The following TMEM178B variants were observed in gnomAD, a reference collection of about 807,000 sequenced individuals.
The protein encoded by TMEM178B is transmembrane protein 178B.
A neutral mutation model predicts 31.0 loss-of-function variants in TMEM178B; 5 were observed. The observed-to-expected ratio is 0.16, with a 90% CI of 0.08 to 0.34. The LOEUF is 0.34. Among genes scored for constraint, TMEM178B ranks in the 10% least tolerant of loss-of-function variants. The pLI is 1.00. For synonymous variants in TMEM178B, 164 were observed against 164.0 expected (o/e 1.00, Z 0.00); for missense variants, 275 against 400.3 (o/e 0.69, Z 2.67).
chr7:141,401,696 G>A (rs942870548), intron 2 of TMEM178B, among the ~76,000 whole-genome samples: 11 of 152,184 alleles, frequency 7.2e-5, no homozygotes, highest in African/African-American at 2.2e-4. Context: ...ATGAGCCACC[G>A]TGCCCAGCCT....
intron 2 of TMEM178B, among the ~76,000 whole-genome samples, chr7:141,336,912 C>CCAA (rs1188852050): frequency 2.2e-4 from 17 of 78,720 alleles, no homozygotes; most frequent in African/African-American, 8.4e-4. Flanking sequence ...ACCATCATCA[C>CCAA]CACCACCACC....
the TMEM178B span, among the ~76,000 whole-genome samples, chr7:141,492,516 C>A: frequency 6.6e-6 from 1 of 152,114 alleles, no homozygotes; most frequent in Non-Finnish European, 1.5e-5. Context: ...TACTGGCCTG[C>A]GAAATGTGTG....
At chr7:141,131,605 C>T (rs183555102) in intron 1 of TMEM178B, among the ~76,000 whole-genome samples, 261 of 152,320 alleles carry the variant, frequency 1.7e-3, no homozygotes, top group Non-Finnish European at 2.6e-3. Context: ...TTTTACCTAT[C>T]ATAGGGTTTT....
At chr7:141,153,607 C>T (rs1299617905) in intron 1 of TMEM178B, among the ~76,000 whole-genome samples, 4 of 152,200 alleles carry the variant, frequency 2.6e-5, no homozygotes, top group Non-Finnish European at 1.5e-5. Context: ...ATTCATTCTT[C>T]ACAACTCTGC....
chr7:141,324,416 G>GTTTTTTTTTTT (rs56316531), intron 2 of TMEM178B, among the ~76,000 whole-genome samples: 4 of 85,778 alleles, frequency 4.7e-5, no homozygotes, highest in Non-Finnish European at 7.1e-5. Flanking sequence ...GGAGACCAGG[G>GTTTTTTTTTTT]TTTTTTTTTT....
chr7:141,154,856 A>C (rs912203316), intron 1 of TMEM178B, among the ~76,000 whole-genome samples: 1 of 151,876 alleles, frequency 6.6e-6, no homozygotes. Context: ...TAGCCTCCCA[A>C]GTAGCTGGGA....
chr7:141,141,265 CT>C (rs1219311394), intron 1 of TMEM178B, among the ~76,000 whole-genome samples: 1 of 151,624 alleles, frequency 6.6e-6, no homozygotes, highest in African/African-American at 2.4e-5. Context: ...TCCTGCGTTT[CT>C]TTGACTTTGC....
chr7:141,222,520 G>A (rs1322703703), intron 2 of TMEM178B, among the ~76,000 whole-genome samples: 1 of 152,192 alleles, frequency 6.6e-6, no homozygotes, highest in Non-Finnish European at 1.5e-5. Context: ...AATAATTCAT[G>A]CACAATCTCT....
chr7:141,412,635 T>C (rs1801011911), intron 2 of TMEM178B, among the ~76,000 whole-genome samples: 1 of 152,244 alleles, frequency 6.6e-6, no homozygotes, highest in African/African-American at 2.4e-5. Context: ...TTTGGATAGA[T>C]TCAGATGAGG....
chr7:141,200,661 G>GACCT, intron 1 of TMEM178B, among the ~76,000 whole-genome samples: 1 of 152,294 alleles, frequency 6.6e-6, no homozygotes, highest in African/African-American at 2.4e-5. Flanking sequence ...ATGCCAAGCT[G>GACCT]ACCTCATTCC....
intron 2 of TMEM178B, among the ~76,000 whole-genome samples, chr7:141,275,149 A>G (rs950738047): frequency 1.3e-5 from 2 of 152,168 alleles, no homozygotes; most frequent in Non-Finnish European, 2.9e-5. Flanking sequence ...TGCAAATCAC[A>G]TATCTGATGA....
At chr7:141,454,585 T>TCTCCTCTCG (rs1801928211) in intron 3 of TMEM178B, among the ~76,000 whole-genome samples, 1 of 137,866 alleles carries the variant, frequency 7.3e-6, no homozygotes. Flanking sequence ...CTCTCCTCTC[T>TCTCCTCTCG]CTCCTCTCTC....
At chr7:141,352,628 C>T (rs1280880168) in intron 2 of TMEM178B, 1 of 152,466 alleles carries the variant, frequency 6.6e-6, no homozygotes, top group Non-Finnish European at 1.5e-5. Flanking sequence ...GATCCACCCG[C>T]CTCGGCCTCC....
intron 2 of TMEM178B, among the ~76,000 whole-genome samples, chr7:141,289,906 G>A (rs574204159): frequency 3.9e-5 from 6 of 151,944 alleles, no homozygotes; most frequent in East Asian, 3.9e-4. Flanking sequence ...AGGCTGAAGC[G>A]GGAGGATCAT....
intron 3 of TMEM178B, among the ~76,000 whole-genome samples, chr7:141,470,209 G>T (rs1259262798): frequency 6.6e-6 from 1 of 152,154 alleles, no homozygotes; most frequent in Non-Finnish European, 1.5e-5. Context: ...AAAATGAACT[G>T]AATGCTCTTC....
At chr7:141,350,600 A>G (rs533887102) in intron 2 of TMEM178B, among the ~76,000 whole-genome samples, 1 of 152,186 alleles carries the variant, frequency 6.6e-6, no homozygotes, top group Non-Finnish European at 1.5e-5. Flanking sequence ...ATTCACATAG[A>G]ATCTCCTGGG....
intron 1 of TMEM178B, among the ~76,000 whole-genome samples, chr7:141,193,819 G>T (rs1209859221): frequency 1.3e-5 from 2 of 152,224 alleles, no homozygotes; most frequent in Non-Finnish European, 2.9e-5. Flanking sequence ...GCAGGACCCT[G>T]CCCAGTTCTG....
At chr7:141,215,836 TTCTTTTCTTTTC>T (rs1797131581) in intron 2 of TMEM178B, among the ~76,000 whole-genome samples, 1 of 67,092 alleles carries the variant, frequency 1.5e-5, no homozygotes, top group Admixed American at 1.8e-4. Flanking sequence ...CTTTCTTTCT[TTCTTTTCTTTTC>T]TTTTCTTTCT....
At position 141,344,280 on chromosome 7, in the gene TMEM178B, G is replaced by C. The variant is rs1004647974; in HGVS notation, c.497-93328G>C. Among the ~76,000 whole-genome samples, 2 of 152,164 alleles carry C rather than the reference G, an allele frequency of 1.3e-5. No individual in the cohort carries two copies. Among genetic ancestry groups the C allele is most frequent in the Non-Finnish European group, 2.9e-5 (2 of 68,034 alleles). ...TTAAAGATCAGAACAGTGAGGATTAGAGTGATTGAGTAACTGGTCCTTAGC... is the reference window on the plus strand; with the variant it reads ...TTAAAGATCAGAACAGTGAGGATTACAGTGATTGAGTAACTGGTCCTTAGC... On this transcript the variant is annotated intron_variant, in intron 2 of 3. Coordinates refer to ENST00000565468, the MANE Select transcript of TMEM178B (RefSeq NM_001195278.2). This position sits in a 1 kb window ranked among gnomAD's most constrained non-coding sequence, Gnocchi z 4.1.
Sources: allele counts gnomAD v4.1 joint callset (sites outside exome capture counted in the v4.1 genomes callset), GRCh38; gene constraint gnomAD v4.1.1; non-coding constraint Gnocchi (gnomAD v3.1); transcripts MANE v1.5; gene names NCBI Gene and HGNC (gene_info 2026-07-23, HGNC 2026-07-21).